The following TSPAN11 variants were observed in gnomAD, a reference collection of about 807,000 sequenced individuals.
TSPAN11 encodes tetraspanin 11.
Under a neutral mutation model 32.9 loss-of-function variants are expected in TSPAN11, and 29 were observed. The ratio of observed to expected loss-of-function variants is 0.88; its 90% CI spans 0.66 to 1.20. The LOEUF (loss-of-function observed/expected upper bound fraction) is 1.20. TSPAN11 is among the 50% of genes most tolerant of loss of function. The pLI is 0.00. For synonymous variants in TSPAN11, 140 were observed against 141.3 expected (o/e 0.99, Z 0.07); for missense variants, 283 against 329.1 (o/e 0.86, Z 1.08).
At chr12:30,959,728 C>G (rs1009060012) in intron 2 of TSPAN11, among the ~76,000 whole-genome samples, 1 of 146,966 alleles carries the variant, frequency 6.8e-6, no homozygotes, top group Admixed American at 6.9e-5. Flanking sequence ...TGCAGTGAGC[C>G]GAGATCACGC....
intron 1 of TSPAN11, among the ~76,000 whole-genome samples, chr12:30,947,013 G>A (rs1408533769): frequency 6.6e-6 from 1 of 152,184 alleles, no homozygotes; most frequent in Non-Finnish European, 1.5e-5. Context: ...AGGCCCGTCT[G>A]CTTCCCAGAA....
chr12:30,937,681 G>A (rs1466234872), intron 1 of TSPAN11, among the ~76,000 whole-genome samples: 1 of 152,216 alleles, frequency 6.6e-6, no homozygotes, highest in Non-Finnish European at 1.5e-5. Context: ...GCAGTGCGTG[G>A]TCTCAAAGTG....
the TSPAN11 span, among the ~76,000 whole-genome samples, chr12:31,011,874 T>A: frequency 6.6e-6 from 1 of 152,216 alleles, no homozygotes; most frequent in African/African-American, 2.4e-5. Flanking sequence ...TGGGTTGGGC[T>A]CCTTTTTCAG....
At chr12:30,966,147 A>G (rs1395664741) in intron 3 of TSPAN11, among the ~76,000 whole-genome samples, 2 of 152,056 alleles carry the variant, frequency 1.3e-5, no homozygotes, top group Non-Finnish European at 2.9e-5. Flanking sequence ...TGGGGGTCAC[A>G]CGGGCGGAGA....
At chr12:30,943,809 A>G (rs1270911594) in intron 1 of TSPAN11, among the ~76,000 whole-genome samples, 1 of 152,268 alleles carries the variant, frequency 6.6e-6, no homozygotes, top group African/African-American at 2.4e-5. Context: ...ATGGAGCAGG[A>G]AAGTGAAAAT....
chr12:31,012,067 G>A, the TSPAN11 span, among the ~76,000 whole-genome samples: 1 of 152,218 alleles, frequency 6.6e-6, no homozygotes, highest in African/African-American at 2.4e-5. Flanking sequence ...ACCTAACACA[G>A]CCTCTTTATA....
At chr12:30,991,784 C>T in intron 7 of TSPAN11, 72 bp from the exon 8 acceptor site, 3 of 1,550,626 alleles carry the variant, frequency 1.9e-6, no homozygotes, top group South Asian at 1.1e-5. Context: ...AGCACTGCTC[C>T]AGGGCCCTGA....
chr12:30,945,737 T>G (rs1439983979), intron 1 of TSPAN11, among the ~76,000 whole-genome samples: 1 of 151,986 alleles, frequency 6.6e-6, no homozygotes, highest in East Asian at 1.9e-4. Flanking sequence ...CCCATGACAT[T>G]ACACATCCGG....
chr12:30,999,762 G>T (rs1252462042), downstream of TSPAN11, among the ~76,000 whole-genome samples: 1 of 152,072 alleles, frequency 6.6e-6, no homozygotes, highest in Non-Finnish European at 1.5e-5. Context: ...TGTTGGACAT[G>T]GGTAAGTTCC....
At chr12:31,005,437 A>G in the TSPAN11 span, among the ~76,000 whole-genome samples, 1 of 152,272 alleles carries the variant, frequency 6.6e-6, no homozygotes. Context: ...CATGGGGGGA[A>G]CAAAATGTCA....
At chr12:30,978,472 T>C (rs1939018497) in intron 3 of TSPAN11, 89 bp from the exon 4 acceptor site, 1 of 1,303,640 alleles carries the variant, frequency 7.7e-7, no homozygotes, top group African/African-American at 1.5e-5. Context: ...TCCCAGCAGG[T>C]ATCTCTACCA....
Position 30,935,046 on chromosome 12 carries a change from G to A in TSPAN11, c.-12+8250G>A, listed in dbSNP as rs1036214109. 2.6e-5 allele frequency among the ~76,000 whole-genome samples: 4 copies of A among 152,082 alleles called. No homozygotes were observed. In the South Asian group the frequency reaches 8.3e-4, roughly 32 times the overall value. On this transcript the variant is annotated intron_variant, in intron 1 of 7. Coordinates refer to ENST00000546076, the MANE Select transcript of TSPAN11 (RefSeq NM_001370302.1). ...TTTCTTTGGTCATCATGGGAAGCAA[G>A]GACTTCCTCAGCCCCTGCCCCTCTC...
the TSPAN11 span, among the ~76,000 whole-genome samples, chr12:31,013,853 C>T: frequency 6.6e-6 from 1 of 152,260 alleles, no homozygotes; most frequent in Admixed American, 6.5e-5. Context: ...CCGCCAGGTA[C>T]ATGCAGCCAC....
chr12:30,953,129 G>A (rs191962300), intron 1 of TSPAN11, among the ~76,000 whole-genome samples: 17 of 152,224 alleles, frequency 1.1e-4, no homozygotes, highest in East Asian at 3.9e-4. Context: ...GGGTAAAGAC[G>A]GGAGTTTTAG....
At chr12:31,013,497 T>G in the TSPAN11 span, among the ~76,000 whole-genome samples, 1 of 151,858 alleles carries the variant, frequency 6.6e-6, no homozygotes, top group Admixed American at 6.6e-5. Context: ...GGTGAGAGGA[T>G]CATCTGAGCC....
At chr12:30,990,151 T>TGTGTGC (rs1265776337) in intron 7 of TSPAN11, among the ~76,000 whole-genome samples, 1 of 152,020 alleles carries the variant, frequency 6.6e-6, no homozygotes, top group African/African-American at 2.4e-5. Context: ...TGTGTGTGTG[T>TGTGTGC]GCAAGTGTGT....
intron 1 of TSPAN11, among the ~76,000 whole-genome samples, chr12:30,953,046 A>G (rs757987738): frequency 6.6e-6 from 1 of 152,154 alleles, no homozygotes; most frequent in Non-Finnish European, 1.5e-5. Context: ...CTCTGCCTGT[A>G]TCACCACCAT....
intron 2 of TSPAN11, among the ~76,000 whole-genome samples, chr12:30,957,329 A>G (rs935481483): frequency 6.7e-6 from 1 of 148,782 alleles, no homozygotes; most frequent in Non-Finnish European, 1.5e-5. Context: ...TGGTCTGCAC[A>G]GTGCCGTGGC....
At chr12:30,948,206 G>A (rs1032755096) in intron 1 of TSPAN11, among the ~76,000 whole-genome samples, 2 of 152,212 alleles carry the variant, frequency 1.3e-5, no homozygotes, top group Non-Finnish European at 1.5e-5. Flanking sequence ...CTGGCATCGA[G>A]TGTCTGCAGC....
Sources: gnomAD v4.1 joint callset for allele counts (sites outside exome capture counted in the v4.1 genomes callset) on GRCh38, gnomAD v4.1.1 for gene constraint, MANE v1.5 for transcripts, NCBI Gene and HGNC (gene_info 2026-07-23, HGNC 2026-07-21) for gene names.